The following PRIM2 variants were observed in gnomAD, a reference collection of about 807,000 sequenced individuals.
The protein encoded by PRIM2 is DNA primase subunit 2, also known as DNA primase large subunit.
In PRIM2, 39 loss-of-function variants were observed where a neutral mutation model predicts 67.3. That is an observed-to-expected ratio of 0.58 (90% CI 0.45 to 0.76). The LOEUF is 0.76. PRIM2 is among the 30% of genes least tolerant of loss of function. The pLI, the probability that PRIM2 is intolerant of heterozygous loss-of-function variation, is 0.00. For missense variants in PRIM2, 398 were observed against 598.7 expected (o/e 0.66, Z 3.50); for synonymous variants, 143 against 198.7 (o/e 0.72, Z 2.36).
In PRIM2 at chr6:57,574,827, A is replaced by T. The variant is rs1318786952; in HGVS notation, c.1021-26266A>T. On this transcript the variant is annotated intron_variant, in intron 10 of 13. Coordinates refer to ENST00000615550, the MANE Select transcript of PRIM2 (RefSeq NM_000947.5). ...ACAGGGTATCGTTTATTCAGTAAGT[A>T]CTAGATAGAATCATATGAAGTTGCT... 9.2e-5 allele frequency among the ~76,000 whole-genome samples: 14 copies of T among 151,610 alleles called. 1 individual carries two copies. Among genetic ancestry groups the T allele is most frequent in the Admixed American group, 5.9e-4 (9 of 15,190 alleles).
the PRIM2 span, among the ~76,000 whole-genome samples, chr6:57,248,951 C>A: frequency 6.6e-6 from 1 of 152,192 alleles, no homozygotes. Flanking sequence ...ATTTATTGAA[C>A]AACACACAAG....
chr6:57,625,004 C>T (rs1255370560), intron 12 of PRIM2, among the ~76,000 whole-genome samples: 89 of 152,248 alleles, frequency 5.8e-4, no homozygotes, highest in Non-Finnish European at 9.9e-4. Context: ...CATCAGATCT[C>T]GTGAGACTTA....
the PRIM2 span, among the ~76,000 whole-genome samples, chr6:57,254,480 G>A: frequency 6.6e-6 from 1 of 152,184 alleles, no homozygotes; most frequent in Non-Finnish European, 1.5e-5. Context: ...ACAGGCCTCT[G>A]TAACAACTGT....
chr6:57,548,987 G>A (rs1456668549), intron 10 of PRIM2, among the ~76,000 whole-genome samples: 1 of 151,944 alleles, frequency 6.6e-6, no homozygotes, highest in African/African-American at 2.4e-5. Context: ...GCATATGCTA[G>A]GCTCTATAAC....
chr6:57,401,674 G>A (rs1397119378), intron 7 of PRIM2, among the ~76,000 whole-genome samples: 1 of 152,118 alleles, frequency 6.6e-6, no homozygotes, highest in Non-Finnish European at 1.5e-5. Context: ...TTTGTGCCAA[G>A]GGTCTTTTGC....
At chr6:57,253,548 C>A in the PRIM2 span, among the ~76,000 whole-genome samples, 1 of 151,500 alleles carries the variant, frequency 6.6e-6, no homozygotes, top group African/African-American at 2.4e-5. Context: ...CTGCTCCCAC[C>A]CTTCAGCACT....
the PRIM2 span, among the ~76,000 whole-genome samples, chr6:57,226,604 G>A: frequency 6.6e-6 from 1 of 152,186 alleles, no homozygotes; most frequent in Non-Finnish European, 1.5e-5. Context: ...GGAAGCCATT[G>A]GAGGATTTTT....
intron 7 of PRIM2, among the ~76,000 whole-genome samples, chr6:57,495,919 T>C (rs1468413702): frequency 6.6e-6 from 1 of 152,072 alleles, no homozygotes; most frequent in Admixed American, 6.6e-5. Flanking sequence ...GATTTTTTTT[T>C]TATTTTTAGT....
intron 6 of PRIM2, among the ~76,000 whole-genome samples, chr6:57,381,465 T>C (rs2127336618): frequency 6.6e-6 from 1 of 151,380 alleles, no homozygotes; most frequent in Non-Finnish European, 1.5e-5. Flanking sequence ...AAATCTAAGA[T>C]TTTTAAAAAT....
chr6:57,342,817 C>G lies in PRIM2; in HGVS notation c.459+16772C>G, dbSNP rs536479744. On this transcript the variant is annotated intron_variant, in intron 5 of 13. Coordinates refer to ENST00000615550, the MANE Select transcript of PRIM2 (RefSeq NM_000947.5). ...AGTGAAGTTGGTAACCTCGTTGCCT[C>G]ACTAAAAACAAGTACACGTAAAACT... Among the ~76,000 whole-genome samples, 278 of 152,298 alleles carry G rather than the reference C, an allele frequency of 1.8e-3. 5 individuals are homozygous for G. The highest frequency in any genetic ancestry group is 2.1e-3 in the Non-Finnish European group (146 of 68,024).
At chr6:57,305,385 A>G in the PRIM2 span, among the ~76,000 whole-genome samples, 51 of 152,218 alleles carry the variant, frequency 3.4e-4, no homozygotes, top group Non-Finnish European at 5.9e-4. Flanking sequence ...TGTCTGGTCT[A>G]TGTCAGGGAC....
upstream of PRIM2, among the ~76,000 whole-genome samples, chr6:57,316,034 A>T (rs1478553094): frequency 3.9e-5 from 6 of 152,156 alleles, no homozygotes; most frequent in Admixed American, 3.9e-4. Context: ...TATTACTGGA[A>T]TTGGTGTAGT....
intron 9 of PRIM2, among the ~76,000 whole-genome samples, chr6:57,533,079 A>G (rs1282709822): frequency 3.9e-5 from 6 of 152,024 alleles, no homozygotes; most frequent in Admixed American, 6.6e-5. Flanking sequence ...TAAAGGCCCC[A>G]TCTCTAAATA....
chr6:57,614,933 A>G (rs1776728904), intron 12 of PRIM2, among the ~76,000 whole-genome samples: 1 of 152,140 alleles, frequency 6.6e-6, no homozygotes, highest in Non-Finnish European at 1.5e-5. Flanking sequence ...ATTGGCAGTG[A>G]GTTAAAAAAT....
At chr6:57,503,531 T>C (rs1295700936) in intron 7 of PRIM2, among the ~76,000 whole-genome samples, 2 of 152,096 alleles carry the variant, frequency 1.3e-5, no homozygotes, top group Non-Finnish European at 2.9e-5. Flanking sequence ...GGTGGATCAC[T>C]TGAGGTCAGA....
intron 7 of PRIM2, among the ~76,000 whole-genome samples, chr6:57,453,179 G>C (rs1284840583): frequency 1.3e-5 from 2 of 152,124 alleles, no homozygotes; most frequent in Non-Finnish European, 2.9e-5. Context: ...TGCTGTTTTG[G>C]TTACTGTAGC....
At chr6:57,326,079 C>T (rs1456684566) in intron 5 of PRIM2, 34 bp downstream of exon 5, 14 of 1,601,590 alleles carry the variant, frequency 8.7e-6, no homozygotes, top group East Asian at 2.2e-5. Context: ...TCTAATTGTT[C>T]TCACCATTCA....
At chr6:57,448,281 A>C (rs1330925502) in intron 7 of PRIM2, among the ~76,000 whole-genome samples, 1 of 152,102 alleles carries the variant, frequency 6.6e-6, no homozygotes, top group Non-Finnish European at 1.5e-5. Flanking sequence ...ATTTCACAGT[A>C]ATGTAATGAA....
intron 10 of PRIM2, among the ~76,000 whole-genome samples, chr6:57,597,613 T>C (rs1193964281): frequency 1.1e-4 from 16 of 152,196 alleles, no homozygotes; most frequent in African/African-American, 3.9e-4. Flanking sequence ...ACTGTCCCTA[T>C]AGATTAGGAT....
Sources: gnomAD v4.1 joint callset for allele counts (sites outside exome capture counted in the v4.1 genomes callset) on GRCh38, gnomAD v4.1.1 for gene constraint, MANE v1.5 for transcripts, NCBI Gene and HGNC (gene_info 2026-07-23, HGNC 2026-07-21) for gene names.